The following ADAMTSL3 variants were observed in gnomAD, a reference collection of about 807,000 sequenced individuals.
The protein encoded by ADAMTSL3 is ADAMTS-like protein 3.
ADAMTSL3 carries 128 observed loss-of-function variants against 201.7 expected under a neutral mutation model. The ratio of observed to expected loss-of-function variants is 0.63; its 90% CI spans 0.55 to 0.73. ADAMTSL3 has a LOEUF of 0.73. Among genes scored for constraint, ADAMTSL3 ranks in the 30% least tolerant of loss-of-function variants. ADAMTSL3 has a pLI of 0.00. For synonymous variants in ADAMTSL3, 738 were observed against 748.4 expected, an observed-to-expected ratio of 0.99 and a Z score of 0.23; for missense variants, 1,990 against 2,119.6, an observed-to-expected ratio of 0.94 and a Z score of 1.20.
chr15:83,655,917 A>G, intron 2 of ADAMTSL3, 87 bp downstream of exon 2: 1 of 1,342,610 alleles, frequency 7.4e-7, no homozygotes, highest in Non-Finnish European at 1.0e-6. Flanking sequence ...AAGATGTGGC[A>G]TGATTAGTGT....
chr15:83,894,544 A>G (rs1354050870), intron 13 of ADAMTSL3, among the ~76,000 whole-genome samples: 1 of 152,214 alleles, frequency 6.6e-6, no homozygotes, highest in Non-Finnish European at 1.5e-5. Context: ...CATTTAAAAA[A>G]TACAGGGGCG....
chr15:83,680,762 G>A (rs533091010), intron 2 of ADAMTSL3, among the ~76,000 whole-genome samples: 18 of 151,636 alleles, frequency 1.2e-4, no homozygotes, highest in Non-Finnish European at 2.7e-4. Context: ...GGTGCTTTAA[G>A]ACATTATTTC....
chr15:83,706,838 T>G (rs78704154), intron 3 of ADAMTSL3, among the ~76,000 whole-genome samples: 2 of 149,104 alleles, frequency 1.3e-5, no homozygotes, highest in Non-Finnish European at 3.0e-5. Context: ...TAATTTTTTT[T>G]GTCTGTATTT....
chr15:83,903,287 T>A (rs539741924), intron 15 of ADAMTSL3, among the ~76,000 whole-genome samples: 1 of 140,506 alleles, frequency 7.1e-6, no homozygotes, highest in Non-Finnish European at 1.5e-5. Context: ...AACACAAAAC[T>A]TACCATTTTA....
At position 83,820,001 on chromosome 15, in the gene ADAMTSL3, G is replaced by C; in HGVS notation, c.554G>C (p.Arg185Pro). 7 of 1,614,120 alleles carry C rather than the reference G, an allele frequency of 4.3e-6. No homozygotes were observed. Among genetic ancestry groups the C allele is most frequent in the Non-Finnish European group, 5.9e-6 (7 of 1,180,028 alleles). ...GCACCTAAGGTACTGGATGGAACTC[G>C]TTGCAACACGGACTCCTTGGACATG... ...ELAPKVLDGTRCNTDSLDMCI... is the reference protein window; with the variant it reads ...ELAPKVLDGTPCNTDSLDMCI... The change falls in exon 6 of 30, where the codon CGT (arginine) becomes CCT (proline). Residue 185 changes from arginine (R) to proline (P), a missense_variant. Arg to Pro is a moderately radical substitution (Grantham distance 103, BLOSUM62 -2). Coordinates refer to ENST00000286744, the MANE Select transcript of ADAMTSL3 (RefSeq NM_207517.3).
intron 22 of ADAMTSL3, among the ~76,000 whole-genome samples, chr15:83,990,313 A>G (rs780649929): frequency 1.8e-4 from 28 of 152,204 alleles, no homozygotes; most frequent in Non-Finnish European, 3.4e-4. Context: ...TGGCATCCAC[A>G]TGTCAGCCTG....
chr15:83,994,511 T>C (rs1333500777), intron 23 of ADAMTSL3, among the ~76,000 whole-genome samples: 2 of 152,008 alleles, frequency 1.3e-5, no homozygotes, highest in Admixed American at 1.3e-4. Context: ...ATATCTACTT[T>C]AAACAGATCA....
chr15:83,693,765 T>C (rs1388679572), intron 2 of ADAMTSL3, among the ~76,000 whole-genome samples: 1 of 152,118 alleles, frequency 6.6e-6, no homozygotes, highest in Admixed American at 6.5e-5. Context: ...ATGAGCTCCT[T>C]GGGAAAAGTG....
intron 9 of ADAMTSL3, among the ~76,000 whole-genome samples, chr15:83,880,361 C>G (rs929981818): frequency 6.6e-6 from 1 of 152,178 alleles, no homozygotes; most frequent in Non-Finnish European, 1.5e-5. Context: ...CAGATTACGA[C>G]CAGCAGGCCA....
At chr15:83,948,774 AC>A (rs1363099627) in intron 19 of ADAMTSL3, among the ~76,000 whole-genome samples, 6 of 141,612 alleles carry the variant, frequency 4.2e-5, no homozygotes, top group Non-Finnish European at 9.6e-5. Context: ...TTATTATAAA[AC>A]TCTTCTTTTA....
intron 3 of ADAMTSL3, among the ~76,000 whole-genome samples, chr15:83,735,034 T>G (rs1171878077): frequency 6.6e-6 from 1 of 152,174 alleles, no homozygotes; most frequent in African/African-American, 2.4e-5. Flanking sequence ...ATCTAATGGA[T>G]AGTAAAACTC....
chr15:83,781,724 T>A (rs577725955), intron 4 of ADAMTSL3, among the ~76,000 whole-genome samples: 1 of 151,774 alleles, frequency 6.6e-6, no homozygotes. Flanking sequence ...GAACTTAAAT[T>A]TACAAGAAAA....
intron 2 of ADAMTSL3, among the ~76,000 whole-genome samples, chr15:83,658,433 C>A (rs1344399198): frequency 6.6e-6 from 1 of 152,176 alleles, no homozygotes; most frequent in African/African-American, 2.4e-5. Flanking sequence ...TTTATTGAAT[C>A]AGCTAAAATG....
At chr15:84,027,009 T>C (rs1171834767) in intron 27 of ADAMTSL3, among the ~76,000 whole-genome samples, 2 of 152,156 alleles carry the variant, frequency 1.3e-5, no homozygotes, top group African/African-American at 4.8e-5. Flanking sequence ...AGAAAATGCT[T>C]AAAAATTGTA....
chr15:83,923,291 A>G (rs537565772), intron 16 of ADAMTSL3, among the ~76,000 whole-genome samples: 3 of 152,170 alleles, frequency 2.0e-5, no homozygotes, highest in Non-Finnish European at 2.9e-5. Context: ...TAATAATACT[A>G]TTCTTTTGAC....
At chr15:83,667,095 T>G (rs1458827142) in intron 2 of ADAMTSL3, among the ~76,000 whole-genome samples, 1 of 152,140 alleles carries the variant, frequency 6.6e-6, no homozygotes, top group Non-Finnish European at 1.5e-5. Flanking sequence ...TCTCTACTTT[T>G]GTCATGCTTA....
intron 20 of ADAMTSL3, among the ~76,000 whole-genome samples, chr15:83,976,426 A>G (rs2142143760): frequency 6.6e-6 from 1 of 152,046 alleles, no homozygotes; most frequent in South Asian, 2.1e-4. Context: ...GTCGTAGGGG[A>G]TGGTTTTGGG....
intron 26 of ADAMTSL3, among the ~76,000 whole-genome samples, chr15:84,024,692 A>G (rs2068269660): frequency 6.6e-6 from 1 of 152,220 alleles, no homozygotes; most frequent in African/African-American, 2.4e-5. Context: ...TCATTAAAGC[A>G]TGAACTTTAG....
In ADAMTSL3 at chr15:83,819,871, C is replaced by G; in HGVS notation, c.424C>G (p.Gln142Glu). The G allele has an allele frequency of 6.2e-7, 1 of 1,614,104 alleles. No homozygotes were observed. The highest frequency in any genetic ancestry group is 8.5e-7 in the Non-Finnish European group (1 of 1,180,024). Residue 142 changes from glutamine to glutamate, a missense_variant, in exon 6 of 30, where the codon CAG becomes GAG. By Grantham distance (29) the Gln-to-Glu change is conservative. Coordinates refer to ENST00000286744, the MANE Select transcript of ADAMTSL3 (RefSeq NM_207517.3). ...GCAGTGCTCAGCCTACAATGATGTC[C>G]AGTATCAGGGGCATTACTATGAATG... ...AQQCSAYNDV[Q>E]YQGHYYEWLP... is the part of the protein sequence containing the mutation.
Sources: gnomAD v4.1 joint callset for allele counts (sites outside exome capture counted in the v4.1 genomes callset) on GRCh38, gnomAD v4.1.1 for gene constraint, MANE v1.5 for transcripts, NCBI Gene and HGNC (gene_info 2026-07-23, HGNC 2026-07-21) for gene names.